Variants in HS3ST4 observed in about 807,000 individuals in gnomAD.
HS3ST4 encodes heparan sulfate-glucosamine 3-sulfotransferase 4.
In HS3ST4, 17 loss-of-function variants were observed where a neutral mutation model predicts 29.2. That is an observed-to-expected ratio of 0.58 (90% CI 0.40 to 0.87). The LOEUF is 0.87. Ranked by LOEUF, HS3ST4 falls within the 40% of genes least tolerant of loss-of-function variation. HS3ST4 has a pLI of 0.00. For synonymous variants in HS3ST4, 314 were observed against 285.7 expected (o/e 1.10, Z -1.00); for missense variants, 627 against 634.5 (o/e 0.99, Z 0.13).
intron 1 of HS3ST4, among the ~76,000 whole-genome samples, chr16:26,132,124 G>A (rs1899428701): frequency 6.6e-6 from 1 of 152,130 alleles, no homozygotes; most frequent in South Asian, 2.1e-4. Flanking sequence ...TAGACTGGTA[G>A]CTTAGTGGAG....
intron 1 of HS3ST4, among the ~76,000 whole-genome samples, chr16:26,117,557 C>T (rs963726857): frequency 6.6e-6 from 1 of 152,176 alleles, no homozygotes; most frequent in Non-Finnish European, 1.5e-5. Context: ...GCTCCATATC[C>T]AACTAAATGC....
intron 1 of HS3ST4, among the ~76,000 whole-genome samples, chr16:26,042,197 C>T (rs1469465731): frequency 2.0e-5 from 3 of 152,200 alleles, no homozygotes; most frequent in Non-Finnish European, 4.4e-5. Flanking sequence ...GCATCAAACC[C>T]TCCCAGACTG....
At chr16:25,937,603 G>A (rs1287037218) in intron 1 of HS3ST4, among the ~76,000 whole-genome samples, 2 of 152,096 alleles carry the variant, frequency 1.3e-5, no homozygotes, top group Non-Finnish European at 2.9e-5. Context: ...GTGTCCTGGC[G>A]AGAGGTGCAG....
At chr16:25,838,923 C>T (rs1967387578) in intron 1 of HS3ST4, among the ~76,000 whole-genome samples, 1 of 152,170 alleles carries the variant, frequency 6.6e-6, no homozygotes, top group South Asian at 2.1e-4. Context: ...CACTGTTCTA[C>T]ATAAATAAAA....
chr16:25,785,061 A>G (rs2141616988), intron 1 of HS3ST4, among the ~76,000 whole-genome samples: 1 of 152,338 alleles, frequency 6.6e-6, no homozygotes, highest in East Asian at 1.9e-4. Flanking sequence ...TAGAAATGGA[A>G]CAACAAAGCC....
chr16:26,135,970 G>A lies in HS3ST4; in HGVS notation c.1093G>A (p.Ala365Thr), dbSNP rs752319578. Reference sequence around the variant, plus strand: ...TGGTGAGCGACTCATTGTGGACCCCGCCGGGGAAATGGCCAAAGTACAGGA... The same window carrying A: ...TGGTGAGCGACTCATTGTGGACCCCACCGGGGAAATGGCCAAAGTACAGGA... ...VSGERLIVDP[A>T]GEMAKVQDFL... The change falls in exon 2 of 2, where the codon GCC becomes ACC. Residue 365 changes from alanine to threonine, a missense_variant. This residue lies in a region of HS3ST4 where 225 missense variants were observed against 293.7 expected (regional missense o/e 0.77). Transcript: ENST00000331351. 8 of 1,613,836 alleles carry A rather than the reference G, an allele frequency of 5.0e-6. No individual in the cohort carries two copies. Among genetic ancestry groups the A allele is most frequent in the African/African-American group, 1.3e-5 (1 of 74,918 alleles).
At chr16:25,893,939 G>T (rs1968035334) in intron 1 of HS3ST4, among the ~76,000 whole-genome samples, 1 of 152,236 alleles carries the variant, frequency 6.6e-6, no homozygotes, top group South Asian at 2.1e-4. Context: ...AGGCCAGCCA[G>T]TAGAGGATTG....
At position 25,865,912 on chromosome 16, in the gene HS3ST4, C is replaced by A. The variant is rs894495518; in HGVS notation, c.734+172761C>A. On this transcript the variant is annotated intron_variant, in intron 1 of 1. Coordinates refer to ENST00000331351, the MANE Select transcript of HS3ST4 (RefSeq NM_006040.3). ...AAAAGTTTCTCAACATTTCTATGGG[C>A]AAATTTTTTTAAAAATATAACCCCA... Among the ~76,000 whole-genome samples the A allele has an allele frequency of 5.3e-4, 81 of 152,176 alleles. 1 individual carries two copies. The highest frequency in any genetic ancestry group is 3.4e-3 in the Middle Eastern group (1 of 294).
chr16:25,943,148 C>T (rs755305990), intron 1 of HS3ST4, among the ~76,000 whole-genome samples: 19 of 152,088 alleles, frequency 1.2e-4, no homozygotes, highest in African/African-American at 3.1e-4. Flanking sequence ...TTTTTCTCAC[C>T]AGCCACATTT....
chr16:25,828,244 C>G lies in HS3ST4; in HGVS notation c.734+135093C>G, dbSNP rs9944337. ...TTCCTTTCTTTCTTTCTTTCTTTCTCTTTCTTTCTTTCTTTCTTTCTTTCT... is the reference window on the plus strand; with the variant it reads ...TTCCTTTCTTTCTTTCTTTCTTTCTGTTTCTTTCTTTCTTTCTTTCTTTCT... On this transcript the variant is annotated intron_variant, in intron 1 of 1. Transcript: ENST00000331351. Among the ~76,000 whole-genome samples the G allele has an allele frequency of 2.2e-4, 8 of 35,966 alleles. No individual in the cohort carries two copies. In the East Asian group the frequency reaches 4.2e-3, roughly 19 times the overall value. 23.6% of individuals were successfully genotyped at this position (35,966 alleles called of 152,430 possible).
intron 1 of HS3ST4, among the ~76,000 whole-genome samples, chr16:25,910,170 T>C (rs1482759175): frequency 3.9e-5 from 6 of 152,196 alleles, no homozygotes; most frequent in Non-Finnish European, 2.9e-5. Flanking sequence ...CAAAGAACCA[T>C]GTATTTTGCA....
intron 1 of HS3ST4, among the ~76,000 whole-genome samples, chr16:26,020,807 G>T (rs1969405792): frequency 6.6e-6 from 1 of 152,202 alleles, no homozygotes; most frequent in Non-Finnish European, 1.5e-5. Flanking sequence ...AGGTTCAAGT[G>T]TGAGAAGCCC....
chr16:26,076,071 A>G (rs1012996112), intron 1 of HS3ST4, among the ~76,000 whole-genome samples: 6 of 152,212 alleles, frequency 3.9e-5, no homozygotes, highest in African/African-American at 1.4e-4. Context: ...TTATGGATCT[A>G]CTTCAAATTA....
In HS3ST4 at chr16:25,820,483, T is replaced by A. The variant is rs1222598791; in HGVS notation, c.734+127332T>A. Among the ~76,000 whole-genome samples the A allele has an allele frequency of 2.0e-5, 3 of 152,204 alleles. No individual in the cohort carries two copies. The East Asian group carries it at 5.8e-4, about 29-fold the overall frequency. On this transcript the variant is annotated intron_variant, in intron 1 of 1. Coordinates refer to ENST00000331351, the MANE Select transcript of HS3ST4 (RefSeq NM_006040.3). ...GTCATAGCTCACTGTAGCCTCGACC[T>A]CTTGGGCTCAAGAGATCCTCCTGCC...
At chr16:25,748,182 C>G (rs1325888331) in intron 1 of HS3ST4, among the ~76,000 whole-genome samples, 1 of 152,144 alleles carries the variant, frequency 6.6e-6, no homozygotes, top group Non-Finnish European at 1.5e-5. Flanking sequence ...TGCATCCTGG[C>G]TGTGCTTGGG....
chr16:25,705,849 A>C (rs1002614658), intron 1 of HS3ST4, among the ~76,000 whole-genome samples: 1 of 152,146 alleles, frequency 6.6e-6, no homozygotes, highest in African/African-American at 2.4e-5. Context: ...CTAACTCCAC[A>C]GTGATTTTGC....
chr16:26,039,110 C>G (rs577691726), intron 1 of HS3ST4, among the ~76,000 whole-genome samples: 2 of 152,260 alleles, frequency 1.3e-5, no homozygotes, highest in South Asian at 4.1e-4. Flanking sequence ...GAATTCTACA[C>G]CTTCTTTTGG....
At chr16:25,699,393 C>G (rs1966319825) in intron 1 of HS3ST4, among the ~76,000 whole-genome samples, 1 of 152,234 alleles carries the variant, frequency 6.6e-6, no homozygotes, top group South Asian at 2.1e-4. Context: ...AATACATTCC[C>G]CTCCGTTCTC....
chr16:25,755,478 G>A (rs1966751681), intron 1 of HS3ST4, among the ~76,000 whole-genome samples: 1 of 152,132 alleles, frequency 6.6e-6, no homozygotes, highest in Non-Finnish European at 1.5e-5. Context: ...AGGTTTGAGG[G>A]TGAATGGCTG....
Sources: allele counts gnomAD v4.1 joint callset (sites outside exome capture counted in the v4.1 genomes callset), GRCh38; gene constraint gnomAD v4.1.1; regional missense constraint gnomAD v4.1.1; transcripts MANE v1.5; gene names NCBI Gene and HGNC (gene_info 2026-07-23, HGNC 2026-07-21).